Variants in LMNB1 observed in about 807,000 individuals in gnomAD.
LMNB1 encodes the protein lamin B1.
Under a neutral mutation model 67.1 loss-of-function variants are expected in LMNB1, and 23 were observed. The observed-to-expected ratio is 0.34, with a 90% CI of 0.25 to 0.49. LMNB1 has a LOEUF of 0.49. Among genes scored for constraint, LMNB1 ranks in the 20% least tolerant of loss-of-function variants. The probability of loss-of-function intolerance (pLI) is 0.99; values close to 1 mark genes in which losing one functional copy is unlikely to be tolerated. For synonymous variants in LMNB1, 281 were observed against 282.9 expected (o/e 0.99, Z 0.07); for missense variants, 634 against 746.5 (o/e 0.85, Z 1.76).
At chr5:126,834,055 C>A (rs559763954) in intron 10 of LMNB1, among the ~76,000 whole-genome samples, 76 of 152,208 alleles carry the variant, frequency 5.0e-4, no homozygotes, top group Non-Finnish European at 9.6e-4. Context: ...TGAACTCAAT[C>A]GAGCAGGCTG....
At chr5:126,817,212 G>C (rs559472869) in intron 5 of LMNB1, among the ~76,000 whole-genome samples, 51 of 152,284 alleles carry the variant, frequency 3.3e-4, no homozygotes, top group African/African-American at 1.2e-3. Flanking sequence ...AGTTCTGTCA[G>C]CTTGGCCACT....
intron 1 of LMNB1, among the ~76,000 whole-genome samples, chr5:126,786,131 T>TTTTG (rs1750774523): frequency 6.8e-6 from 1 of 147,664 alleles, no homozygotes. Context: ...TTTTTTTTTT[T>TTTTG]TGATGCAGAG....
chr5:126,789,875 G>A (rs954670302), intron 1 of LMNB1, among the ~76,000 whole-genome samples: 1 of 151,964 alleles, frequency 6.6e-6, no homozygotes, highest in Non-Finnish European at 1.5e-5. Flanking sequence ...GGGTTTCACC[G>A]TGTTGGCCAG....
chr5:126,798,761 A>ATGTG (rs1259847457), intron 1 of LMNB1, among the ~76,000 whole-genome samples: 1 of 84,698 alleles, frequency 1.2e-5, no homozygotes, highest in Non-Finnish European at 2.4e-5. Flanking sequence ...GAAAAAAGAG[A>ATGTG]AGTGTGTGTG....
chr5:126,812,718 CTTT>C (rs11430160), intron 5 of LMNB1, among the ~76,000 whole-genome samples: 6 of 117,134 alleles, frequency 5.1e-5, no homozygotes, highest in Admixed American at 2.7e-4. Flanking sequence ...CTTTATTTTA[CTTT>C]TTTTTTTTTT....
intron 7 of LMNB1, 79 bp downstream of exon 7, chr5:126,821,214 T>C: frequency 1.1e-6 from 1 of 913,570 alleles, no homozygotes; most frequent in African/African-American, 1.6e-5. Context: ...AGCTCCTTAG[T>C]TTTTGTTTGG....
At chr5:126,802,793 T>C (rs941061126) in intron 1 of LMNB1, among the ~76,000 whole-genome samples, 1 of 152,190 alleles carries the variant, frequency 6.6e-6, no homozygotes, top group Non-Finnish European at 1.5e-5. Context: ...AATAATTATT[T>C]GGATGAGAGA....
intron 9 of LMNB1, among the ~76,000 whole-genome samples, chr5:126,828,197 T>C (rs1431891247): frequency 6.6e-6 from 1 of 152,210 alleles, no homozygotes; most frequent in Non-Finnish European, 1.5e-5. Context: ...TTGTGAAACA[T>C]TGTTAAGAGT....
At chr5:126,819,218 T>C (rs1308262791) in intron 6 of LMNB1, 76 bp downstream of exon 6, 7 of 957,920 alleles carry the variant, frequency 7.3e-6, no homozygotes. Context: ...TAAAAATAAA[T>C]AGCATTTTAA....
chr5:126,817,141 G>A (rs1751731921), intron 5 of LMNB1, among the ~76,000 whole-genome samples: 1 of 152,194 alleles, frequency 6.6e-6, no homozygotes. Flanking sequence ...ACTTTGGGTT[G>A]TAAGCTAATA....
intron 1 of LMNB1, among the ~76,000 whole-genome samples, chr5:126,789,948 C>T (rs377352290): frequency 2.0e-5 from 3 of 152,108 alleles, no homozygotes; most frequent in African/African-American, 7.2e-5. Context: ...GCTGGGATTA[C>T]AGGCGTGAGC....
chr5:126,805,792 T>C (rs1469343897), intron 3 of LMNB1, 96 bp downstream of exon 3: 3 of 961,794 alleles, frequency 3.1e-6, no homozygotes, highest in Non-Finnish European at 3.0e-6. Context: ...TTATGATTTC[T>C]TTGCCACAAA....
intron 1 of LMNB1, among the ~76,000 whole-genome samples, chr5:126,796,786 C>CTTTTTTTT (rs34534973): frequency 5.1e-5 from 6 of 118,736 alleles, no homozygotes; most frequent in South Asian, 2.8e-4. Flanking sequence ...TTTTTTCTTT[C>CTTTTTTTT]TTTTTTTTTT....
Position 126,811,748 on chromosome 5 carries a change from G to A in LMNB1, c.814-25G>A, listed in dbSNP as rs1389514160. 3 of 1,593,486 alleles carry A rather than the reference G, an allele frequency of 1.9e-6. No homozygotes were observed. The African/African-American group carries it at 4.0e-5, about 21-fold the overall frequency. ...TTTTGTTTCAGTTCTAGATAAGACT[G>A]ACTATGCTTTGCTTCTTCTTTTAGC... On this transcript the variant is annotated intron_variant, in intron 4 of 10. Coordinates refer to ENST00000261366, the MANE Select transcript of LMNB1 (RefSeq NM_005573.4).
At chr5:126,796,890 G>A (rs1751110550) in intron 1 of LMNB1, among the ~76,000 whole-genome samples, 1 of 147,668 alleles carries the variant, frequency 6.8e-6, no homozygotes, top group Admixed American at 7.0e-5. Flanking sequence ...CCAGATTCAA[G>A]CGATTCTCCT....
In LMNB1 at chr5:126,820,487, AT is replaced by A. The variant is rs1751836601; in HGVS notation, c.1161-422del. On this transcript the variant is annotated intron_variant, in intron 6 of 10. Coordinates refer to ENST00000261366, the MANE Select transcript of LMNB1 (RefSeq NM_005573.4). ...GGCTTTGGCTAACAGATTGTAAGTA[AT>A]ATTTTGCTTTAGAAATGCATGGGTG... is the stretch of plus-strand genomic sequence containing the variant. Among the ~76,000 whole-genome samples, 5 of 152,242 alleles carry A rather than the reference AT, an allele frequency of 3.3e-5. No homozygotes were observed. In the South Asian group the frequency reaches 1.0e-3, roughly 32 times the overall value.
In LMNB1 at chr5:126,778,213, G is replaced by T. The variant is rs558493969; in HGVS notation, c.359+346G>T. 5.3e-5 allele frequency among the ~76,000 whole-genome samples: 8 copies of T among 152,200 alleles called. 1 individual carries two copies. In the South Asian group the frequency reaches 1.5e-3, roughly 28 times the overall value. On this transcript the variant is annotated intron_variant, in intron 1 of 10. Transcript: ENST00000261366. ...CCGGCGCGGAGAGGCGGCCCCTCAG[G>T]CCCCAGGTGCGGGGAGCTGGAGCGC...
chr5:126,819,919 C>T (rs1260539973), intron 6 of LMNB1, among the ~76,000 whole-genome samples: 4 of 152,170 alleles, frequency 2.6e-5, no homozygotes, highest in Admixed American at 6.5e-5. Context: ...CCAAGGCAGG[C>T]GGATCACATG....
rs191601796 is a variant in LMNB1, at chr5:126,787,519, T to G, written c.359+9652T>G. ...ATATGTTATATATAACGTGTGTGTG[T>G]GGGGGTATATATATATATATATATA... On this transcript the variant is annotated intron_variant, in intron 1 of 10. Coordinates refer to ENST00000261366, the MANE Select transcript of LMNB1 (RefSeq NM_005573.4). 3.4e-3 allele frequency among the ~76,000 whole-genome samples: 359 copies of G among 106,058 alleles called. 3 individuals are homozygous for G. Among genetic ancestry groups the G allele is most frequent in the African/African-American group, 7.4e-3 (226 of 30,694 alleles). The allele number at this position is 106,058 out of a possible 152,430, so 69.6% of individuals were successfully genotyped here. A position where few individuals can be genotyped will look rare whatever the true frequency, so the allele number is the denominator to read the frequency against.
Sources: gnomAD v4.1 joint callset for allele counts (sites outside exome capture counted in the v4.1 genomes callset) on GRCh38, gnomAD v4.1.1 for gene constraint, MANE v1.5 for transcripts, NCBI Gene and HGNC (gene_info 2026-07-23, HGNC 2026-07-21) for gene names.